The following PRKCB variants were observed in gnomAD, a reference collection of about 807,000 sequenced individuals.
PRKCB encodes protein kinase C beta type.
In PRKCB, 13 loss-of-function variants were observed where a neutral mutation model predicts 81.5. That is an observed-to-expected ratio of 0.16 (90% CI 0.10 to 0.25). The LOEUF (loss-of-function observed/expected upper bound fraction) is 0.25. PRKCB is among the 10% of genes least tolerant of loss of function. The pLI is 1.00. For synonymous variants in PRKCB, 335 were observed against 321.4 expected (o/e 1.04, Z -0.45); for missense variants, 509 against 875.7 (o/e 0.58, Z 5.29).
At chr16:23,981,753 CCCTTT>C (rs1437375483) in intron 2 of PRKCB, among the ~76,000 whole-genome samples, 4 of 72,496 alleles carry the variant, frequency 5.5e-5, no homozygotes, top group East Asian at 5.1e-4. Flanking sequence ...CCCTTCCCTT[CCCTTT>C]CCCTTCCCCT....
At chr16:24,125,216 A>G (rs1966841131) in intron 9 of PRKCB, among the ~76,000 whole-genome samples, 1 of 152,216 alleles carries the variant, frequency 6.6e-6, no homozygotes, top group Non-Finnish European at 1.5e-5. Context: ...AGCTTACATT[A>G]GGTCAAGGGG....
chr16:24,212,208 C>T (rs994738183), intron 16 of PRKCB, among the ~76,000 whole-genome samples: 2 of 152,118 alleles, frequency 1.3e-5, no homozygotes, highest in African/African-American at 4.8e-5. Flanking sequence ...GGTTCTCCTC[C>T]TGCTGTCCTA....
intron 2 of PRKCB, among the ~76,000 whole-genome samples, chr16:23,946,661 C>T (rs1964206876): frequency 6.6e-6 from 1 of 151,876 alleles, no homozygotes; most frequent in Admixed American, 6.6e-5. Flanking sequence ...CTCTTTAGGC[C>T]AGAACTGACT....
intron 2 of PRKCB, chr16:23,963,450 C>T (rs1217814205): frequency 1.3e-5 from 2 of 152,302 alleles, no homozygotes; most frequent in East Asian, 3.9e-4. Context: ...TTATTATTAG[C>T]CAAGAATGGA....
chr16:24,041,269 G>C (rs1965694415), intron 5 of PRKCB, among the ~76,000 whole-genome samples: 1 of 151,994 alleles, frequency 6.6e-6, no homozygotes, highest in African/African-American at 2.4e-5. Flanking sequence ...AGCCAGGATG[G>C]TCTCGATCTC....
intron 2 of PRKCB, among the ~76,000 whole-genome samples, chr16:23,953,904 T>C (rs1964315572): frequency 6.8e-6 from 1 of 148,132 alleles, no homozygotes; most frequent in Admixed American, 6.7e-5. Flanking sequence ...TTTTTTTCTG[T>C]GTCACCCAGG....
intron 2 of PRKCB, among the ~76,000 whole-genome samples, chr16:23,935,920 T>G (rs1268877237): frequency 6.6e-6 from 1 of 152,214 alleles, no homozygotes; most frequent in African/African-American, 2.4e-5. Flanking sequence ...AGCACTGTGC[T>G]CACTGCCAGG....
chr16:24,072,311 A>G (rs1966119750), intron 5 of PRKCB, among the ~76,000 whole-genome samples: 1 of 152,180 alleles, frequency 6.6e-6, no homozygotes. Flanking sequence ...TCTGTCACCC[A>G]GGCTGGAGTG....
Position 24,219,079 on chromosome 16 carries a change from G to T in PRKCB, c.*4263G>T, listed in dbSNP as rs1968278457. On this transcript the variant is annotated 3_prime_UTR_variant, in exon 17 of 17. Coordinates refer to ENST00000643927, the MANE Select transcript of PRKCB (RefSeq NM_002738.7). ...AGAGGCTTGCAAGGACCCTGAAGAG[G>T]TCGGAGCATCATACAGATTCCTTTA... The T allele has an allele frequency of 2.0e-6, 2 of 985,400 alleles. No homozygotes were observed. The highest frequency in any genetic ancestry group is 3.5e-5 in the African/African-American group (2 of 57,318). 61.0% of individuals were successfully genotyped at this position (985,400 alleles called of 1,614,324 possible).
intron 2 of PRKCB, among the ~76,000 whole-genome samples, chr16:23,841,050 C>G (rs2141074028): frequency 6.6e-6 from 1 of 152,144 alleles, no homozygotes; most frequent in East Asian, 1.9e-4. Context: ...GCAGATTTCT[C>G]TCTATGGCAT....
chr16:24,021,036 C>CTTTATTTA lies in PRKCB; in HGVS notation c.289-11097_289-11096insATTTATTT, dbSNP rs1421407329. 1.0e-3 allele frequency among the ~76,000 whole-genome samples: 139 copies of CTTTATTTA among 138,678 alleles called. 2 individuals are homozygous for CTTTATTTA. The highest frequency in any genetic ancestry group is 3.8e-3 in the African/African-American group (136 of 35,880). 91.0% of individuals were successfully genotyped at this position (138,678 alleles called of 152,430 possible). A position where few individuals can be genotyped will look rare whatever the true frequency, so the allele number is the denominator to read the frequency against. On this transcript the variant is annotated intron_variant, in intron 3 of 16. Transcript: ENST00000643927. ...TCTTTCTTTCTTTCTTTCTTTCTTT[C>CTTTATTTA]TTTCTCTTTCTTTCTTTCTTTCCCT...
chr16:23,977,260 C>T (rs1297183433), intron 2 of PRKCB, among the ~76,000 whole-genome samples: 3 of 152,140 alleles, frequency 2.0e-5, no homozygotes, highest in Non-Finnish European at 4.4e-5. Flanking sequence ...ATGGAACAGA[C>T]CCTCCCAGAT....
intron 7 of PRKCB, among the ~76,000 whole-genome samples, chr16:24,102,342 C>T (rs900324202): frequency 6.6e-6 from 1 of 152,206 alleles, no homozygotes; most frequent in East Asian, 1.9e-4. Context: ...CTCAGATTTA[C>T]GGCCAAGACA....
intron 5 of PRKCB, among the ~76,000 whole-genome samples, chr16:24,077,383 C>T (rs542886849): frequency 4.6e-5 from 7 of 151,338 alleles, no homozygotes; most frequent in Non-Finnish European, 8.8e-5. Context: ...ATCCATCCAC[C>T]CATGCATTCA....
At chr16:24,141,850 C>T (rs1966906157) in intron 9 of PRKCB, among the ~76,000 whole-genome samples, 1 of 152,148 alleles carries the variant, frequency 6.6e-6, no homozygotes, top group African/African-American at 2.4e-5. Flanking sequence ...TAAGGATCTC[C>T]CAGGACATAG....
chr16:24,096,662 AAAAAATATATATATAT>A (rs1345693170), intron 7 of PRKCB, among the ~76,000 whole-genome samples: 1,870 of 40,438 alleles, frequency 0.046, 67 homozygotes, highest in East Asian at 0.074. Flanking sequence ...CAAAAAAAAA[AAAAAATATATATATAT>A]ATATATATAT....
chr16:23,867,049 C>CTTCT lies in PRKCB; in HGVS notation c.205+29644_205+29647dup, dbSNP rs1491405922. Among the ~76,000 whole-genome samples the CTTCT allele has an allele frequency of 7.5e-4, 54 of 71,784 alleles. 9 individuals are homozygous for CTTCT. The highest frequency in any genetic ancestry group is 2.9e-3 in the South Asian group (4 of 1,366). 47.1% of individuals were successfully genotyped at this position (71,784 alleles called of 152,430 possible). A position where few individuals can be genotyped will look rare whatever the true frequency, so the allele number is the denominator to read the frequency against. ...CCTTCCTTCCTTCCTTCCTTCCTTC[C>CTTCT]TTCTCTCTCTCTCTCTTTCTTTCTT... On this transcript the variant is annotated intron_variant, in intron 2 of 16. Coordinates refer to ENST00000643927, the MANE Select transcript of PRKCB (RefSeq NM_002738.7).
intron 2 of PRKCB, among the ~76,000 whole-genome samples, chr16:23,987,120 C>T (rs1964812984): frequency 6.6e-6 from 1 of 152,098 alleles, no homozygotes; most frequent in Non-Finnish European, 1.5e-5. Flanking sequence ...AGAATCCAAA[C>T]AAGGTCCACA....
At chr16:23,837,166 T>G (rs1395879321) in intron 1 of PRKCB, 1 of 674,874 alleles carries the variant, frequency 1.5e-6, no homozygotes, top group African/African-American at 1.8e-5. Flanking sequence ...CGCAGCCTCC[T>G]CTCTTCTGCA....
Sources: gnomAD v4.1 joint callset for allele counts (sites outside exome capture counted in the v4.1 genomes callset) on GRCh38, gnomAD v4.1.1 for gene constraint, MANE v1.5 for transcripts, NCBI Gene and HGNC (gene_info 2026-07-23, HGNC 2026-07-21) for gene names.